Variants in CYFIP1 observed in about 807,000 individuals in gnomAD.
CYFIP1 encodes the protein cytoplasmic FMR1 interacting protein 1, also known as cytoplasmic FMR1-interacting protein 1.
CYFIP1 carries 58 observed loss-of-function variants against 163.5 expected under a neutral mutation model. The ratio of observed to expected loss-of-function variants is 0.35; its 90% CI spans 0.29 to 0.44. The LOEUF is 0.44. Among genes scored for constraint, CYFIP1 ranks in the 20% least tolerant of loss-of-function variants. The pLI is 1.00. For missense variants in CYFIP1, 1,338 were observed against 1,653.8 expected, an observed-to-expected ratio of 0.81 and a Z score of 3.31; for synonymous variants, 663 against 660.7, an observed-to-expected ratio of 1.00 and a Z score of -0.05.
At position 22,869,785 on chromosome 15, in the gene CYFIP1, A is replaced by C. The variant is rs2059371059; in HGVS notation, c.*243T>G. The stretch of plus-strand genomic sequence containing the variant: ...CTGCCAGAACATCCCATAGAAAAAC[A>C]ATTTTGTAGGAACGTGATGGCAACA... On this transcript the variant is annotated 3_prime_UTR_variant, in exon 31 of 31. Transcript: ENST00000617928. 1 of 351,104 alleles carries C rather than the reference A, an allele frequency of 2.8e-6. No homozygotes were observed. The highest frequency in any genetic ancestry group is 4.9e-5 in the Admixed American group (1 of 20,594). 21.7% of individuals were successfully genotyped at this position (351,104 alleles called of 1,614,324 possible). A position where few individuals can be genotyped will look rare whatever the true frequency, so the allele number is the denominator to read the frequency against.
chr15:22,894,272 ACTTTT>A (rs1424473077), intron 22 of CYFIP1, among the ~76,000 whole-genome samples: 23 of 136,374 alleles, frequency 1.7e-4, no homozygotes, highest in Non-Finnish European at 2.9e-4. Flanking sequence ...ATTACAGCAG[ACTTTT>A]CTTTTTTTTT....
intron 13 of CYFIP1, among the ~76,000 whole-genome samples, chr15:22,921,054 A>C (rs1220264799): frequency 6.6e-6 from 1 of 151,630 alleles, no homozygotes; most frequent in East Asian, 1.9e-4. Flanking sequence ...AGCAAAATAA[A>C]CCCCCCCAAA....
chr15:22,971,886 A>T (rs1421540344), intron 1 of CYFIP1, among the ~76,000 whole-genome samples: 1 of 137,348 alleles, frequency 7.3e-6, no homozygotes. Context: ...ATAAATAAAC[A>T]ATAGATAGTA....
chr15:22,966,125 G>T (rs890795924), intron 1 of CYFIP1, among the ~76,000 whole-genome samples: 1 of 151,894 alleles, frequency 6.6e-6, no homozygotes, highest in African/African-American at 2.4e-5. Context: ...GAGGCGGGTG[G>T]ATCACCTGAG....
At chr15:22,903,649 G>A (rs2060471951) in intron 22 of CYFIP1, 57 bp downstream of exon 22, 1 of 1,577,072 alleles carries the variant, frequency 6.3e-7, no homozygotes, top group African/African-American at 1.3e-5. Context: ...GAAGCCTGCG[G>A]GGACATGGGT....
chr15:22,951,050 A>G (rs910173527), intron 1 of CYFIP1, among the ~76,000 whole-genome samples: 1 of 152,230 alleles, frequency 6.6e-6, no homozygotes, highest in East Asian at 1.9e-4. Context: ...CGCAGGGTTC[A>G]GTACAGTCTC....
In CYFIP1 at chr15:22,939,556, TTAAAAA is replaced by T. The variant is rs932615513; in HGVS notation, c.570-55_570-50del. 180 of 410,484 alleles carry T rather than the reference TTAAAAA, an allele frequency of 4.4e-4. 1 individual carries two copies. Among genetic ancestry groups the T allele is most frequent in the Non-Finnish European group, 5.4e-4 (144 of 265,744 alleles). 25.4% of individuals were successfully genotyped at this position (410,484 alleles called of 1,614,324 possible). A position where few individuals can be genotyped will look rare whatever the true frequency, so the allele number is the denominator to read the frequency against. On this transcript the variant is annotated intron_variant, in intron 6 of 30. Transcript: ENST00000617928. ...CCCAAAATGCACCAACGTGCCACAT[TTAAAAA>T]AAAAAAAAAAAAAAAAAAAGCCTGG...
rs148143197 is a variant in CYFIP1 at position 22,879,216 on chromosome 15, C to T, written c.3042+697G>A. On this transcript the variant is annotated intron_variant, in intron 26 of 30. Coordinates refer to ENST00000617928, the MANE Select transcript of CYFIP1 (RefSeq NM_014608.6). ...CAGGAAAAGAAACAAGAAGACGCAACGAACGAAGAGATGCCCACCTCGTTA... is the reference window on the plus strand; with the variant it reads ...CAGGAAAAGAAACAAGAAGACGCAATGAACGAAGAGATGCCCACCTCGTTA... 1.5e-3 allele frequency among the ~76,000 whole-genome samples: 231 copies of T among 152,116 alleles called. 1 individual carries two copies. Among genetic ancestry groups the T allele is most frequent in the African/African-American group, 5.4e-3 (224 of 41,472 alleles).
chr15:22,946,154 A>C (rs1411656468), intron 3 of CYFIP1, among the ~76,000 whole-genome samples: 1 of 151,976 alleles, frequency 6.6e-6, no homozygotes, highest in East Asian at 1.9e-4. Flanking sequence ...AACACAAAAA[A>C]GTAGATGGGC....
intron 23 of CYFIP1, among the ~76,000 whole-genome samples, chr15:22,891,702 C>T (rs540563250): frequency 1.3e-5 from 2 of 152,240 alleles, no homozygotes; most frequent in South Asian, 2.1e-4. Context: ...GGGTGTTTGC[C>T]GTTTCCCAGG....
chr15:22,868,404 G>GTCT lies in CYFIP1; in HGVS notation c.*1621_*1623dup, dbSNP rs1163635356. ...TTAACATTTTGTAGCACTTGAGATT[G>GTCT]TCTTATACCTAAGGTATTACATATT... On this transcript the variant is annotated 3_prime_UTR_variant, in exon 31 of 31. Transcript: ENST00000617928. 1 of 152,152 alleles carries GTCT rather than the reference G, an allele frequency of 6.6e-6. No individual in the cohort carries two copies. The highest frequency in any genetic ancestry group is 6.5e-5 in the Admixed American group (1 of 15,278). 9.4% of individuals were successfully genotyped at this position (152,152 alleles called of 1,614,324 possible). A position where few individuals can be genotyped will look rare whatever the true frequency, so the allele number is the denominator to read the frequency against.
intron 1 of CYFIP1, 108 bp downstream of exon 1, chr15:22,980,179 G>GC (rs1311444237): frequency 6.7e-6 from 1 of 149,098 alleles, no homozygotes; most frequent in Non-Finnish European, 1.5e-5. Flanking sequence ...TGGGGGGGAG[G>GC]GGGGGGTCCG....
At chr15:22,941,500 G>A (rs768775830) in intron 6 of CYFIP1, among the ~76,000 whole-genome samples, 1 of 151,710 alleles carries the variant, frequency 6.6e-6, no homozygotes, top group Non-Finnish European at 1.5e-5. Context: ...CTTAAAAGAG[G>A]TTATACTAGT....
In CYFIP1 at chr15:22,928,000, G is replaced by C. The variant is rs755885651; in HGVS notation, c.1139C>G (p.Ala380Gly). The change falls in exon 12 of 31, where the codon GCC becomes GGC. Residue 380 changes from alanine to glycine, a missense_variant. This residue lies in a region of CYFIP1 where 824 missense variants were observed against 995.7 expected (regional missense o/e 0.83). Transcript: ENST00000617928. ...EVVTGSGRQE[A>G]QKTDAEYRKL... ...GCGGTACTCCGCGTCCGTCTTCTGG[G>C]CCTCCTGGCGGCCCGAGCCCGTGAC... 8.8e-6 allele frequency: 14 copies of C among 1,583,398 alleles called. No individual in the cohort carries two copies. Among genetic ancestry groups the C allele is most frequent in the Non-Finnish European group, 6.8e-6 (8 of 1,168,396 alleles).
intron 1 of CYFIP1, among the ~76,000 whole-genome samples, chr15:22,958,649 A>G (rs1323990316): frequency 1.3e-5 from 2 of 151,884 alleles, no homozygotes; most frequent in Admixed American, 1.3e-4. Flanking sequence ...TGGTCTCACA[A>G]CCTCCTAACA....
chr15:22,877,237 T>C (rs1445059652), intron 26 of CYFIP1, among the ~76,000 whole-genome samples: 2 of 152,218 alleles, frequency 1.3e-5, no homozygotes, highest in Non-Finnish European at 2.9e-5. Context: ...TAAGCAAGGC[T>C]GCCTCTCATG....
rs867169909 is a variant in CYFIP1, at chr15:22,917,312, G to A, written c.1674+476C>T. 42 of 1,319,660 alleles carry A rather than the reference G, an allele frequency of 3.2e-5. No individual in the cohort carries two copies. In the African/African-American group the frequency reaches 3.7e-4, roughly 12 times the overall value. The allele number at this position is 1,319,660 out of a possible 1,614,324, so 81.7% of individuals were successfully genotyped here. On this transcript the variant is annotated intron_variant, in intron 15 of 30. Coordinates refer to ENST00000617928, the MANE Select transcript of CYFIP1 (RefSeq NM_014608.6). The surrounding 1 kb of genome is among the most constrained non-coding windows in gnomAD (Gnocchi z 4.2). The stretch of plus-strand genomic sequence containing the variant: ...CAGACGCAGCGGTGTGGATTAAACC[G>A]GGTGTGAAAGTCGTGAGAAGCACCT...
intron 1 of CYFIP1, among the ~76,000 whole-genome samples, chr15:22,971,600 C>T (rs7163142): frequency 0.018 from 2,773 of 151,618 alleles, 74 homozygotes; most frequent in East Asian, 0.11. Context: ...TGCTTGAACA[C>T]GGGAGGCAGA....
chr15:22,885,528 T>C (rs1439415114), intron 23 of CYFIP1, among the ~76,000 whole-genome samples: 1 of 152,124 alleles, frequency 6.6e-6, no homozygotes, highest in Non-Finnish European at 1.5e-5. Flanking sequence ...GTCAGGAGTT[T>C]GAGAACAGCC....
Sources: allele counts gnomAD v4.1 joint callset (sites outside exome capture counted in the v4.1 genomes callset), GRCh38; gene constraint gnomAD v4.1.1; regional missense constraint gnomAD v4.1.1; non-coding constraint Gnocchi (gnomAD v3.1); transcripts MANE v1.5; gene names NCBI Gene and HGNC (gene_info 2026-07-23, HGNC 2026-07-21).